The following TESK2 variants were observed in gnomAD, a reference collection of about 807,000 sequenced individuals.
The protein encoded by TESK2 is testis associated actin remodelling kinase 2.
TESK2 carries 39 observed loss-of-function variants against 57.1 expected under a neutral mutation model. That is an observed-to-expected ratio of 0.68 (90% confidence interval 0.53 to 0.89). The LOEUF is 0.89. TESK2 is among the 40% of genes least tolerant of loss of function. The probability of loss-of-function intolerance (pLI) is 0.00; values close to 1 mark genes in which losing one functional copy is unlikely to be tolerated. For missense variants in TESK2, 646 were observed against 732.1 expected (o/e 0.88, Z 1.36); for synonymous variants, 249 against 267.9 (o/e 0.93, Z 0.69).
chr1:45,482,872 C>G (rs897228957), intron 1 of TESK2, among the ~76,000 whole-genome samples: 3 of 150,384 alleles, frequency 2.0e-5, no homozygotes, highest in African/African-American at 7.4e-5. Context: ...CCCAGCTACT[C>G]GGGAGGCTGA....
At chr1:45,439,085 A>G (rs1441940161) in intron 2 of TESK2, among the ~76,000 whole-genome samples, 1 of 152,150 alleles carries the variant, frequency 6.6e-6, no homozygotes, top group Non-Finnish European at 1.5e-5. Context: ...CCAAACAGAA[A>G]ATATAAAAAC....
chr1:45,429,320 C>T (rs1023921516), intron 2 of TESK2, among the ~76,000 whole-genome samples: 15 of 151,906 alleles, frequency 9.9e-5, no homozygotes, highest in Non-Finnish European at 1.9e-4. Context: ...CGCTTGAACC[C>T]GAGAGGCAGA....
intron 2 of TESK2, among the ~76,000 whole-genome samples, chr1:45,422,910 C>T (rs1650536762): frequency 6.6e-6 from 1 of 151,712 alleles, no homozygotes. Context: ...GCTGCGATTA[C>T]AAGCGCCTGC....
intron 3 of TESK2, among the ~76,000 whole-genome samples, chr1:45,389,429 G>A (rs1295969083): frequency 2.0e-5 from 3 of 152,188 alleles, no homozygotes; most frequent in East Asian, 1.9e-4. Flanking sequence ...AAATACACAG[G>A]AAGAGAGACC....
chr1:45,349,507 T>G (rs1299397401), intron 5 of TESK2, among the ~76,000 whole-genome samples: 3 of 152,202 alleles, frequency 2.0e-5, no homozygotes, highest in Non-Finnish European at 4.4e-5. Context: ...CTCAGATATG[T>G]CACCTATGTC....
intron 4 of TESK2, among the ~76,000 whole-genome samples, chr1:45,382,165 AC>A (rs1163496630): frequency 6.6e-6 from 1 of 152,032 alleles, no homozygotes; most frequent in African/African-American, 2.4e-5. Flanking sequence ...GAGCCACTGC[AC>A]CCAGCCTCAA....
intron 3 of TESK2, among the ~76,000 whole-genome samples, chr1:45,420,168 G>A (rs1650412490): frequency 6.6e-6 from 1 of 152,122 alleles, no homozygotes; most frequent in Admixed American, 6.5e-5. Flanking sequence ...CAGGTGTGGT[G>A]GATCACACCT....
At chr1:45,365,801 G>C (rs1485302586) in intron 4 of TESK2, among the ~76,000 whole-genome samples, 1 of 150,970 alleles carries the variant, frequency 6.6e-6, no homozygotes, top group African/African-American at 2.4e-5. Context: ...TCAGCCTCCT[G>C]AGTAGCTGGG....
intron 2 of TESK2, among the ~76,000 whole-genome samples, chr1:45,430,279 C>T (rs1650897331): frequency 1.3e-5 from 2 of 152,028 alleles, no homozygotes; most frequent in South Asian, 4.1e-4. Flanking sequence ...TGCTTGAGCC[C>T]AGGAGTTCGA....
intron 1 of TESK2, among the ~76,000 whole-genome samples, chr1:45,471,868 C>A (rs1226166162): frequency 1.3e-5 from 2 of 152,090 alleles, no homozygotes; most frequent in Non-Finnish European, 2.9e-5. Flanking sequence ...ACTACAGCCT[C>A]GAACTCCTAA....
chr1:45,476,643 C>G (rs1463323091), intron 1 of TESK2, among the ~76,000 whole-genome samples: 2 of 151,414 alleles, frequency 1.3e-5, no homozygotes, highest in Non-Finnish European at 2.9e-5. Context: ...GTCAGGAGAT[C>G]AAGGCCATCC....
rs115461247 is a variant in TESK2, at chr1:45,379,894, T to A, written c.393+6018A>T. Among the ~76,000 whole-genome samples the A allele has an allele frequency of 4.6e-3, 694 of 152,096 alleles. 8 individuals are homozygous for A. The highest frequency in any genetic ancestry group is 0.014 in the African/African-American group (596 of 41,532). On this transcript the variant is annotated intron_variant, in intron 4 of 10. Transcript: ENST00000372086. Reference sequence around the variant, plus strand: ...AAAATAAGAATAGTTTATTTTTTTTTAAATTTTTTTTTTAGGCAGAGTCTC... The same window carrying A: ...AAAATAAGAATAGTTTATTTTTTTTAAAATTTTTTTTTTAGGCAGAGTCTC...
chr1:45,371,189 AT>A (rs1209614938), intron 4 of TESK2, among the ~76,000 whole-genome samples: 1 of 152,186 alleles, frequency 6.6e-6, no homozygotes, highest in Non-Finnish European at 1.5e-5. Context: ...CAGAAAAAAA[AT>A]ATGGCAGTTC....
intron 4 of TESK2, among the ~76,000 whole-genome samples, chr1:45,365,947 T>C (rs1313652490): frequency 6.6e-6 from 1 of 152,150 alleles, no homozygotes; most frequent in Non-Finnish European, 1.5e-5. Context: ...GTGCTGGGAT[T>C]ACAGGCATGA....
intron 1 of TESK2, among the ~76,000 whole-genome samples, chr1:45,471,890 C>A (rs1288132229): frequency 6.6e-6 from 1 of 152,064 alleles, no homozygotes; most frequent in Non-Finnish European, 1.5e-5. Flanking sequence ...CTCAAGGGAT[C>A]CCCTTTGCCT....
chr1:45,351,696 G>A (rs1358259853), intron 5 of TESK2, among the ~76,000 whole-genome samples: 7 of 152,248 alleles, frequency 4.6e-5, no homozygotes, highest in Admixed American at 4.6e-4. Context: ...CTGGGAGCAC[G>A]GAGGTTCCAA....
intron 4 of TESK2, among the ~76,000 whole-genome samples, chr1:45,384,355 G>C (rs993105378): frequency 1.9e-3 from 275 of 147,680 alleles, no homozygotes; most frequent in Non-Finnish European, 3.0e-3. Context: ...ATGTATGTAT[G>C]TACGTACGTA....
At chr1:45,384,608 T>TATTTTA (rs1557551530) in intron 4 of TESK2, among the ~76,000 whole-genome samples, 2 of 130,314 alleles carry the variant, frequency 1.5e-5, no homozygotes, top group Non-Finnish European at 3.3e-5. Flanking sequence ...TTTTTTTTTT[T>TATTTTA]TTTTTTTTTT....
chr1:45,459,035 C>T (rs902517231), intron 1 of TESK2, among the ~76,000 whole-genome samples: 3 of 152,220 alleles, frequency 2.0e-5, no homozygotes, highest in African/African-American at 7.2e-5. Context: ...AGCTCTGCAA[C>T]TCAGAAAAGT....
Sources: gnomAD v4.1 joint callset for allele counts (sites outside exome capture counted in the v4.1 genomes callset) on GRCh38, gnomAD v4.1.1 for gene constraint, MANE v1.5 for transcripts, NCBI Gene and HGNC (gene_info 2026-07-23, HGNC 2026-07-21) for gene names.